SYTL1: variants seen among roughly 807,000 people sequenced by gnomAD.
SYTL1 encodes synaptotagmin like 1, also known as synaptotagmin-like protein 1.
A neutral mutation model predicts 74.6 loss-of-function variants in SYTL1; 53 were observed. That is an observed-to-expected ratio of 0.71 (90% confidence interval 0.57 to 0.89). The LOEUF is 0.89. Among genes scored for constraint, SYTL1 ranks in the 40% least tolerant of loss-of-function variants. The pLI, the probability that SYTL1 is intolerant of heterozygous loss-of-function variation, is 0.00. For synonymous variants in SYTL1, 329 were observed against 324.9 expected (o/e 1.01, Z -0.14); for missense variants, 728 against 768.7 (o/e 0.95, Z 0.63).
In SYTL1 at chr1:27,353,299, G is replaced by A. The variant is rs939908232; in HGVS notation, c.1360G>A (p.Asp454Asn). ...CCCGCACAGCTTCGTGCTGCCTGAT[G>A]ACAGCCAGGCCAGCCGCCAGCGTAC... ...TYVQCFVLPD[D>N]SQASRQRTRV... Residue 454 changes from aspartate (D) to asparagine (N), a missense_variant, in exon 14 of 15, where the codon GAC becomes AAC. Coordinates refer to ENST00000616558, the MANE Select transcript of SYTL1 (RefSeq NM_001193308.2). 6.3e-7 allele frequency: 1 copy of A among 1,596,182 alleles called. No individual in the cohort carries two copies. The highest frequency in any genetic ancestry group is 1.1e-5 in the South Asian group (1 of 88,020).
Position 27,347,655 on chromosome 1 carries a change from C to A in SYTL1, c.340+86C>A. ...GGACAGGGAGAGAGGACCACTAGGG[C>A]TCCAGTCCTGGCTGCCCCCAGTACT... On this transcript the variant is annotated intron_variant, in intron 3 of 14. Coordinates refer to ENST00000616558, the MANE Select transcript of SYTL1 (RefSeq NM_001193308.2). This position sits in a 1 kb window ranked among gnomAD's most constrained non-coding sequence, Gnocchi z 4.9. 1 of 1,558,354 alleles carries A rather than the reference C, an allele frequency of 6.4e-7. No individual in the cohort carries two copies. The highest frequency in any genetic ancestry group is 1.2e-5 in the South Asian group (1 of 83,022).
In SYTL1 at chr1:27,350,969, G is replaced by T. The variant is rs771144404; in HGVS notation, c.1164+17G>T. Reference sequence around the variant, plus strand: ...CAGCCCCGGGTGAGGCAGCCAGGCCGCGTGGGGAGACCTGCGGCCCGGGTC... The same window carrying T: ...CAGCCCCGGGTGAGGCAGCCAGGCCTCGTGGGGAGACCTGCGGCCCGGGTC... On this transcript the variant is annotated intron_variant, in intron 11 of 14. Coordinates refer to ENST00000616558, the MANE Select transcript of SYTL1 (RefSeq NM_001193308.2). The surrounding 1 kb of genome is among the most constrained non-coding windows in gnomAD (Gnocchi z 6.3). 3.7e-6 allele frequency: 6 copies of T among 1,611,944 alleles called. No individual in the cohort carries two copies. The African/African-American group carries it at 6.7e-5, about 18-fold the overall frequency.
At chr1:27,349,597 G>C in intron 7 of SYTL1, 55 bp from the exon 8 acceptor site, 1 of 1,540,082 alleles carries the variant, frequency 6.5e-7, no homozygotes, top group Non-Finnish European at 8.8e-7. Context: ...GACCCAGGGC[G>C]CTCGGGGCAG....
chr1:27,353,563 T>C (rs942856266), intron 14 of SYTL1, 75 bp downstream of exon 14: 42 of 1,538,962 alleles, frequency 2.7e-5, no homozygotes, highest in Non-Finnish European at 3.3e-5. Flanking sequence ...TGGCCCTGGA[T>C]ACCTCTCTGT....
chr1:27,343,973 C>T lies in SYTL1; in HGVS notation c.-38-1324C>T, dbSNP rs532275508. 3.9e-5 allele frequency among the ~76,000 whole-genome samples: 6 copies of T among 152,274 alleles called. No homozygotes were observed. The South Asian group carries it at 8.3e-4, about 21-fold the overall frequency. ...TTTTGAGACGGAGTCTCACTCTTGCCCAGGCTGGAGTGCAGTGGCGCCATC... is the reference window on the plus strand; with the variant it reads ...TTTTGAGACGGAGTCTCACTCTTGCTCAGGCTGGAGTGCAGTGGCGCCATC... On this transcript the variant is annotated intron_variant, in intron 1 of 14. Coordinates refer to ENST00000616558, the MANE Select transcript of SYTL1 (RefSeq NM_001193308.2). The surrounding 1 kb of genome is among the most constrained non-coding windows in gnomAD (Gnocchi z 5.2).
intron 7 of SYTL1, 30 bp from the exon 8 acceptor site, chr1:27,349,622 G>T: frequency 6.3e-7 from 1 of 1,576,560 alleles, no homozygotes; most frequent in Non-Finnish European, 8.6e-7. Context: ...GGGGAAAGAA[G>T]GGGCGCCCCG....
At position 27,342,194 on chromosome 1, in the gene SYTL1, C is replaced by T. The variant is rs575601433; in HGVS notation, c.-39+44C>T. ...AGGGTCCCCTGCCAGGGTCCAGAGA[C>T]GCAGGCACTGCCACCTGGTATCCTG... On this transcript the variant is annotated intron_variant, in intron 1 of 14. Transcript: ENST00000616558. The surrounding 1 kb of genome is among the most constrained non-coding windows in gnomAD (Gnocchi z 4.7). 2.2e-4 allele frequency: 55 copies of T among 252,620 alleles called. No individual in the cohort carries two copies. In the Admixed American group the frequency reaches 2.8e-3, roughly 13 times the overall value. The allele number at this position is 252,620 out of a possible 1,614,324, so 15.6% of individuals were successfully genotyped here.
In SYTL1 at chr1:27,345,443, C is replaced by A; in HGVS notation, c.109C>A (p.Leu37Met). 6.4e-7 allele frequency: 1 copy of A among 1,563,168 alleles called. No homozygotes were observed. The highest frequency in any genetic ancestry group is 2.3e-5 in the East Asian group (1 of 42,726). ...ETEGLLDLSF[L>M]TEEEQEAIAG... ...TGAAGGACTGTTGGACCTCAGCTTC[C>A]TGACAGAGGAGGAGCAGGAGGCCAT... Residue 37 changes from leucine to methionine, a missense_variant, in exon 2 of 15, where the codon CTG becomes ATG. By Grantham distance (15) the Leu-to-Met change is conservative. Transcript: ENST00000616558. This position sits in a 1 kb window ranked among gnomAD's most constrained non-coding sequence, Gnocchi z 6.0.
chr1:27,350,930 C>T lies in SYTL1; in HGVS notation c.1142C>T (p.Thr381Ile). ...ACGTGGGACTGGGGCTCTGAGCCCA[C>T]CTGGCTCCCCCTGCAGCCCCGGGTG... ...LDTWDWGSEP[T>I]WLPLQPRVPP... The change falls in exon 11 of 15, where the codon ACC becomes ATC. Residue 381 changes from threonine (T) to isoleucine (I), a missense_variant. Transcript: ENST00000616558. This position sits in a 1 kb window ranked among gnomAD's most constrained non-coding sequence, Gnocchi z 6.3. 1.2e-6 allele frequency: 2 copies of T among 1,613,312 alleles called. No individual in the cohort carries two copies. Among genetic ancestry groups the T allele is most frequent in the South Asian group, 1.1e-5 (1 of 91,082 alleles).
chr1:27,353,065 C>T (rs1456283574), intron 13 of SYTL1: 10 of 579,694 alleles, frequency 1.7e-5, no homozygotes, highest in African/African-American at 1.3e-4. Context: ...GGATTACAGG[C>T]GTGAGCAACC....
chr1:27,351,432 G>A lies in SYTL1; in HGVS notation c.1244-24G>A. ...GGGCGGTGGACTCCATCCGTGTGCG[G>A]GCCTGAGCCGAGCCTCTCCGCAGGC... On this transcript the variant is annotated intron_variant, in intron 12 of 14. Coordinates refer to ENST00000616558, the MANE Select transcript of SYTL1 (RefSeq NM_001193308.2). This position sits in a 1 kb window ranked among gnomAD's most constrained non-coding sequence, Gnocchi z 5.0. The A allele has an allele frequency of 1.3e-6, 2 of 1,512,516 alleles. No individual in the cohort carries two copies. The highest frequency in any genetic ancestry group is 1.3e-5 in the South Asian group (1 of 78,974). 93.7% of individuals were successfully genotyped at this position (1,512,516 alleles called of 1,614,324 possible).
Position 27,350,700 on chromosome 1 carries a change from G to C in SYTL1, c.1006-94G>C, listed in dbSNP as rs1170739097. 1 of 1,459,338 alleles carries C rather than the reference G, an allele frequency of 6.9e-7. No individual in the cohort carries two copies. The highest frequency in any genetic ancestry group is 9.4e-7 in the Non-Finnish European group (1 of 1,067,134). The allele number at this position is 1,459,338 out of a possible 1,614,324, so 90.4% of individuals were successfully genotyped here. A position where few individuals can be genotyped will look rare whatever the true frequency, so the allele number is the denominator to read the frequency against. On this transcript the variant is annotated intron_variant, in intron 10 of 14. Transcript: ENST00000616558. This position sits in a 1 kb window ranked among gnomAD's most constrained non-coding sequence, Gnocchi z 6.3. ...TAGGGGCTCCCCAGAATTCCATCAT[G>C]GTAGGAACGCGGTAGGACCTGCCTC...
Position 27,350,806 on chromosome 1 carries a change from C to A in SYTL1, c.1018C>A (p.Gln340Lys). The A allele has an allele frequency of 6.2e-7, 1 of 1,613,812 alleles. No individual in the cohort carries two copies. The highest frequency in any genetic ancestry group is 8.5e-7 in the Non-Finnish European group (1 of 1,180,034). The change falls in exon 11 of 15, where the codon CAG becomes AAG. Residue 340 changes from glutamine (Q) to lysine (K), a missense_variant. Physicochemically the swap from Gln to Lys is moderately conservative, Grantham distance 53. Coordinates refer to ENST00000616558, the MANE Select transcript of SYTL1 (RefSeq NM_001193308.2). This position sits in a 1 kb window ranked among gnomAD's most constrained non-coding sequence, Gnocchi z 6.3. The stretch of plus-strand genomic sequence containing the variant: ...CTCCTGTCCTCAGTACTCCGTCCCG[C>A]AGGCCGAGCTTCAGGGCCGCGTGCT... ...FNETLRYSVP[Q>K]AELQGRVLSL...
Position 27,350,279 on chromosome 1 carries a change from C to T in SYTL1, c.909-110C>T, listed in dbSNP as rs766879047. The T allele has an allele frequency of 6.8e-7, 1 of 1,478,346 alleles. No homozygotes were observed. The highest frequency in any genetic ancestry group is 1.4e-5 in the African/African-American group (1 of 72,432). The allele number at this position is 1,478,346 out of a possible 1,614,324, so 91.6% of individuals were successfully genotyped here. ...ATTAAGCGAGACAATCCCTGTAAAG[C>T]GCTTAGCACGAGGCCTGGCACGTGT... On this transcript the variant is annotated intron_variant, in intron 9 of 14. Coordinates refer to ENST00000616558, the MANE Select transcript of SYTL1 (RefSeq NM_001193308.2). This position sits in a 1 kb window ranked among gnomAD's most constrained non-coding sequence, Gnocchi z 6.3.
chr1:27,349,504 CG>C lies in SYTL1; in HGVS notation c.633+9del, dbSNP rs2015148532. 7.4e-7 allele frequency: 1 copy of C among 1,359,188 alleles called. No homozygotes were observed. Among genetic ancestry groups the C allele is most frequent in the Admixed American group, 3.1e-5 (1 of 32,712 alleles). The allele number at this position is 1,359,188 out of a possible 1,614,324, so 84.2% of individuals were successfully genotyped here. On this transcript the variant is annotated splice_region_variant and intron_variant, in intron 7 of 14. Coordinates refer to ENST00000616558, the MANE Select transcript of SYTL1 (RefSeq NM_001193308.2). The stretch of plus-strand genomic sequence containing the variant: ...CGCGGCCCCAGCAAGCCCAGGTAGG[CG>C]GGAGTGGCCCGTGGCTGCTCTCAAC...
rs1362330903 is a variant in SYTL1, at chr1:27,351,313, A to G, written c.1220A>G (p.Lys407Arg). The change falls in exon 12 of 15, where the codon AAG (lysine) becomes AGG (arginine). Residue 407 changes from lysine to arginine, a missense_variant. Physicochemically the swap from Lys to Arg is conservative, Grantham distance 26. Transcript: ENST00000616558. The surrounding 1 kb of genome is among the most constrained non-coding windows in gnomAD (Gnocchi z 5.0). ...PSRGLLALSL[K>R]YVPAGSEGAG... Reference sequence around the variant, plus strand: ...CGCGGGTTACTCGCCCTGTCCCTCAAGTACGTCCCCGCCGGCTCCGAGGGT... The same window carrying G: ...CGCGGGTTACTCGCCCTGTCCCTCAGGTACGTCCCCGCCGGCTCCGAGGGT... The G allele has an allele frequency of 1.9e-6, 3 of 1,561,198 alleles. No individual in the cohort carries two copies. The highest frequency in any genetic ancestry group is 1.2e-5 in the South Asian group (1 of 84,720).
In SYTL1 at chr1:27,348,033, G is replaced by A. The variant is rs753060482; in HGVS notation, c.459+21G>A. 20 of 1,612,548 alleles carry A rather than the reference G, an allele frequency of 1.2e-5. No homozygotes were observed. The Middle Eastern group carries it at 4.9e-4, about 40-fold the overall frequency. ...CTGAGGTAAGTGAATGAGCCAACAT[G>A]TGAGTACAGTGTCCCTGGAGGGGAG... is the stretch of plus-strand genomic sequence containing the variant. On this transcript the variant is annotated intron_variant, in intron 5 of 14. Transcript: ENST00000616558. The surrounding 1 kb of genome is among the most constrained non-coding windows in gnomAD (Gnocchi z 4.1).
At position 27,349,505 on chromosome 1, in the gene SYTL1, G is replaced by T; in HGVS notation, c.633+7G>T. The T allele has an allele frequency of 1.4e-6, 2 of 1,454,444 alleles. No individual in the cohort carries two copies. The highest frequency in any genetic ancestry group is 5.1e-5 in the East Asian group (2 of 39,504). 90.1% of individuals were successfully genotyped at this position (1,454,444 alleles called of 1,614,324 possible). The stretch of plus-strand genomic sequence containing the variant: ...GCGGCCCCAGCAAGCCCAGGTAGGC[G>T]GGAGTGGCCCGTGGCTGCTCTCAAC... On this transcript the variant is annotated splice_region_variant and intron_variant, in intron 7 of 14. Coordinates refer to ENST00000616558, the MANE Select transcript of SYTL1 (RefSeq NM_001193308.2).
At position 27,350,849 on chromosome 1, in the gene SYTL1, A is replaced by T; in HGVS notation, c.1061A>T (p.His354Leu). 1.2e-6 allele frequency: 2 copies of T among 1,613,806 alleles called. No individual in the cohort carries two copies. Residue 354 changes from histidine (H) to leucine (L), a missense_variant, in exon 11 of 15, where the codon CAC becomes CTC. Coordinates refer to ENST00000616558, the MANE Select transcript of SYTL1 (RefSeq NM_001193308.2). This position sits in a 1 kb window ranked among gnomAD's most constrained non-coding sequence, Gnocchi z 6.3. ...CGCGTGCTGAGCCTGTCTGTGTGGC[A>T]CCGCGAAAGCCTGGGTCGCAACATC... is the stretch of plus-strand genomic sequence containing the variant. ...QGRVLSLSVW[H>L]RESLGRNIFL...
Sources: allele counts gnomAD v4.1 joint callset (sites outside exome capture counted in the v4.1 genomes callset), GRCh38; gene constraint gnomAD v4.1.1; non-coding constraint Gnocchi (gnomAD v3.1); transcripts MANE v1.5; gene names NCBI Gene and HGNC (gene_info 2026-07-23, HGNC 2026-07-21).